LOC131768270: variants seen among roughly 807,000 people sequenced by gnomAD.
the LOC131768270 span, chr5:140,567,820 G>A: frequency 4.3e-6 from 7 of 1,614,048 alleles, no homozygotes; most frequent in Non-Finnish European, 5.9e-6. Context: ...GGCTGCCCCT[G>A]GCACTTCAGA....
chr5:140,566,626 A>G, the LOC131768270 span: 7 of 443,084 alleles, frequency 1.6e-5, no homozygotes, highest in African/African-American at 2.0e-5. Context: ...GTGGTGGCCA[A>G]ACTGAGGGCA....
At chr5:140,566,807 G>C in the LOC131768270 span, 2 of 602,186 alleles carry the variant, frequency 3.3e-6, no homozygotes, top group Non-Finnish European at 5.9e-6. Flanking sequence ...TCAGCCTTCA[G>C]GTGGAGACAC....
the LOC131768270 span, chr5:140,568,240 C>G: frequency 1.9e-6 from 3 of 1,584,302 alleles, no homozygotes; most frequent in Admixed American, 3.5e-5. Flanking sequence ...ATCAGCAGCC[C>G]TGTAACAAGT....
chr5:140,568,187 GCGC>G, the LOC131768270 span: 1 of 1,613,112 alleles, frequency 6.2e-7, no homozygotes, highest in East Asian at 2.2e-5. Context: ...TGTAGATTGG[GCGC>G]CACCACCAGA....
At chr5:140,565,241 T>C in the LOC131768270 span, 158,850 of 234,670 alleles carry the variant, frequency 0.68, 54,325 homozygotes, top group East Asian at 0.81. Flanking sequence ...TTTGCATACA[T>C]TCTGAATTTC....
At chr5:140,565,287 A>G in the LOC131768270 span, 2 of 176,366 alleles carry the variant, frequency 1.1e-5, no homozygotes, top group Non-Finnish European at 2.4e-5. Flanking sequence ...CAGTCCATTT[A>G]CTTACACACT....
chr5:140,568,019 T>C, the LOC131768270 span: 1 of 1,614,062 alleles, frequency 6.2e-7, no homozygotes, highest in East Asian at 2.2e-5. Context: ...CTTTGTGGTG[T>C]CCTGCTCGCT....
At chr5:140,565,081 A>G in the LOC131768270 span, 32 of 396,446 alleles carry the variant, frequency 8.1e-5, no homozygotes, top group Admixed American at 7.5e-4. Flanking sequence ...CCTGGGAACC[A>G]TCACGAACCC....
the LOC131768270 span, chr5:140,566,454 T>C: frequency 2.5e-6 from 1 of 399,676 alleles, no homozygotes; most frequent in East Asian, 3.6e-5. Context: ...ATACCACGGT[T>C]GTCCAGGGTG....
At chr5:140,566,976 T>G in the LOC131768270 span, 2 of 834,996 alleles carry the variant, frequency 2.4e-6, no homozygotes, top group South Asian at 2.9e-5. Flanking sequence ...GCCCCAAGAC[T>G]GTGGCTTCAA....
At chr5:140,569,021 C>T in the LOC131768270 span, 2 of 167,080 alleles carry the variant, frequency 1.2e-5, no homozygotes, top group Non-Finnish European at 2.9e-5. Context: ...GTAGCTCAAT[C>T]AGTGTCTCTT....
At chr5:140,566,602 T>C in the LOC131768270 span, 1 of 436,540 alleles carries the variant, frequency 2.3e-6, no homozygotes, top group East Asian at 3.4e-5. Flanking sequence ...CTCAAGGGAT[T>C]CCTGGCTGGC....
chr5:140,567,222 G>A, the LOC131768270 span: 194 of 1,614,030 alleles, frequency 1.2e-4, no homozygotes, highest in Middle Eastern at 4.9e-4. Flanking sequence ...AGGCAGGCCC[G>A]CTGGACCCTG....
chr5:140,567,546 C>T, the LOC131768270 span: 6 of 1,614,110 alleles, frequency 3.7e-6, no homozygotes, highest in South Asian at 2.2e-5. Context: ...ATTGGAAGCA[C>T]AGCTGTGCTC....
At chr5:140,567,771 TGTC>T in the LOC131768270 span, 33 of 1,614,134 alleles carry the variant, frequency 2.0e-5, no homozygotes, top group East Asian at 2.0e-4. Context: ...ATCTCAGGCT[TGTC>T]GTCAGTGTAC....
At chr5:140,566,794 A>G in the LOC131768270 span, 1 of 599,012 alleles carries the variant, frequency 1.7e-6, no homozygotes, top group Non-Finnish European at 3.0e-6. Flanking sequence ...CAGGATGAGC[A>G]GCTCAGCCTT....
At chr5:140,564,887 C>T in the LOC131768270 span, 1 of 360,016 alleles carries the variant, frequency 2.8e-6, no homozygotes, top group Non-Finnish European at 4.9e-6. This position sits in a 1 kb window ranked among gnomAD's most constrained non-coding sequence, Gnocchi z 5.0. Context: ...GATCTGCAGC[C>T]GGGCGTGGTC....
chr5:140,565,658 G>T, the LOC131768270 span: 1 of 355,890 alleles, frequency 2.8e-6, no homozygotes, highest in Non-Finnish European at 5.0e-6. Context: ...GTAAGTTACT[G>T]GTTCAGATCC....
chr5:140,566,569 G>T, the LOC131768270 span: 2 of 423,320 alleles, frequency 4.7e-6, no homozygotes, highest in Non-Finnish European at 8.3e-6. Context: ...CTGCAGGATG[G>T]CTCGCTGTTG....
Sources: allele counts gnomAD v4.1 joint callset, GRCh38; gene constraint gnomAD v4.1.1; non-coding constraint Gnocchi (gnomAD v3.1); transcripts MANE v1.5.